CHRM3: variants seen among roughly 807,000 people sequenced by gnomAD.
CHRM3 encodes muscarinic acetylcholine receptor M3.
In CHRM3, 11 loss-of-function variants were observed where a neutral mutation model predicts 41.8. That is an observed-to-expected ratio of 0.26 (90% CI 0.17 to 0.44). The LOEUF is 0.44. CHRM3 is among the 20% of genes least tolerant of loss of function. The probability of loss-of-function intolerance (pLI) is 1.00; values close to 1 mark genes in which losing one functional copy is unlikely to be tolerated. For synonymous variants in CHRM3, 297 were observed against 301.4 expected (o/e 0.99, Z 0.15); for missense variants, 571 against 745.4 (o/e 0.77, Z 2.72).
At chr1:239,766,664 G>GAT (rs1313150036) in intron 5 of CHRM3, among the ~76,000 whole-genome samples, 72 of 137,204 alleles carry the variant, frequency 5.2e-4, no homozygotes, top group African/African-American at 1.8e-3. Context: ...GATAGATATG[G>GAT]ATATAGATAT....
intron 2 of CHRM3, among the ~76,000 whole-genome samples, chr1:239,540,547 G>A (rs193234440): frequency 7.9e-5 from 12 of 152,234 alleles, no homozygotes; most frequent in African/African-American, 2.9e-4. Flanking sequence ...ACCACTTTTA[G>A]AAATTACACA....
At chr1:239,695,313 C>T (rs1660086046) in intron 5 of CHRM3, among the ~76,000 whole-genome samples, 1 of 152,068 alleles carries the variant, frequency 6.6e-6, no homozygotes, top group South Asian at 2.1e-4. Context: ...CCCGGCCATA[C>T]AATTTTTATA....
chr1:239,445,576 A>G (rs1423755045), intron 1 of CHRM3, among the ~76,000 whole-genome samples: 2 of 152,190 alleles, frequency 1.3e-5, no homozygotes, highest in Non-Finnish European at 2.9e-5. Flanking sequence ...ATGCTCCTTC[A>G]TTAGAAAAGG....
At chr1:239,899,267 T>C (rs1679277705) in intron 6 of CHRM3, among the ~76,000 whole-genome samples, 1 of 142,676 alleles carries the variant, frequency 7.0e-6, no homozygotes, top group African/African-American at 2.7e-5. Context: ...GCTCTTGCAT[T>C]TTGAACTCAG....
At chr1:239,527,661 G>A (rs1670085804) in intron 2 of CHRM3, among the ~76,000 whole-genome samples, 1 of 152,160 alleles carries the variant, frequency 6.6e-6, no homozygotes, top group Non-Finnish European at 1.5e-5. Flanking sequence ...TTTTCTCTGT[G>A]TTCTTACGGT....
At chr1:239,679,057 A>ATAGC in intron 5 of CHRM3, among the ~76,000 whole-genome samples, 1 of 152,152 alleles carries the variant, frequency 6.6e-6, no homozygotes, top group East Asian at 1.9e-4. Flanking sequence ...AGATAGATAG[A>ATAGC]TATAGACATA....
At chr1:239,719,288 C>T (rs1393929901) in intron 5 of CHRM3, among the ~76,000 whole-genome samples, 1 of 151,928 alleles carries the variant, frequency 6.6e-6, no homozygotes, top group South Asian at 2.1e-4. Context: ...GTCCCCTGCT[C>T]TTGGTTATAC....
At chr1:239,787,363 G>C (rs1026501763) in intron 5 of CHRM3, among the ~76,000 whole-genome samples, 5 of 152,072 alleles carry the variant, frequency 3.3e-5, no homozygotes, top group African/African-American at 1.2e-4. Context: ...GGACTGAGGA[G>C]CCCCCAGGGC....
At chr1:239,444,531 G>A (rs1382760081) in intron 1 of CHRM3, among the ~76,000 whole-genome samples, 3 of 152,036 alleles carry the variant, frequency 2.0e-5, no homozygotes, top group Admixed American at 6.6e-5. Context: ...GGACCTGAGG[G>A]GTGAATAGGA....
intron 5 of CHRM3, among the ~76,000 whole-genome samples, chr1:239,714,823 T>A (rs1301645179): frequency 2.0e-5 from 3 of 152,158 alleles, no homozygotes; most frequent in Non-Finnish European, 2.9e-5. Flanking sequence ...TTTAGATGCC[T>A]GATGTCTTGA....
intron 3 of CHRM3, among the ~76,000 whole-genome samples, chr1:239,623,500 T>TA (rs1195143250): frequency 6.5e-5 from 9 of 138,556 alleles, no homozygotes; most frequent in African/African-American, 2.5e-4. Flanking sequence ...TTTTTTTAAT[T>TA]TTTTTTTTTT....
intron 6 of CHRM3, among the ~76,000 whole-genome samples, chr1:239,864,979 C>A (rs867715558): frequency 1.4e-4 from 21 of 152,274 alleles, no homozygotes; most frequent in African/African-American, 5.1e-4. Context: ...CTTATAAATG[C>A]ACACACCCTC....
intron 6 of CHRM3, among the ~76,000 whole-genome samples, chr1:239,905,701 AAATAT>A (rs1453451476): frequency 1.3e-5 from 2 of 152,188 alleles, no homozygotes; most frequent in East Asian, 3.9e-4. Context: ...CTGTCTCAAA[AAATAT>A]AATATAATAA....
chr1:239,787,537 G>A (rs1669003849), intron 5 of CHRM3, among the ~76,000 whole-genome samples: 1 of 152,122 alleles, frequency 6.6e-6, no homozygotes, highest in Admixed American at 6.5e-5. Flanking sequence ...GAGGTAAAAT[G>A]AGGATAGAAA....
chr1:239,717,096 A>G (rs1662457954), intron 5 of CHRM3, among the ~76,000 whole-genome samples: 1 of 152,048 alleles, frequency 6.6e-6, no homozygotes, highest in African/African-American at 2.4e-5. Flanking sequence ...TCCAAAAAAG[A>G]AAAAGTTCAA....
At chr1:239,582,173 G>A (rs990089073) in intron 3 of CHRM3, among the ~76,000 whole-genome samples, 10 of 152,036 alleles carry the variant, frequency 6.6e-5, no homozygotes, top group African/African-American at 9.7e-5. Context: ...ACAAATTATG[G>A]CCACCTACTA....
At chr1:239,535,235 C>G (rs1305733585) in intron 2 of CHRM3, among the ~76,000 whole-genome samples, 2 of 152,256 alleles carry the variant, frequency 1.3e-5, no homozygotes, top group Admixed American at 6.5e-5. Context: ...GTGGCCCACA[C>G]TGGCCCAGAA....
At chr1:239,892,892 T>C (rs1678669116) in intron 6 of CHRM3, among the ~76,000 whole-genome samples, 1 of 152,218 alleles carries the variant, frequency 6.6e-6, no homozygotes, top group African/African-American at 2.4e-5. Flanking sequence ...GACATATAGA[T>C]TTATTTGCAC....
At chr1:239,468,562 C>T (rs1021379919) in intron 1 of CHRM3, among the ~76,000 whole-genome samples, 9 of 152,114 alleles carry the variant, frequency 5.9e-5, no homozygotes, top group African/African-American at 1.2e-4. Context: ...CTTCTAGAAA[C>T]AGCAGTCAGG....
Sources: allele counts gnomAD v4.1 joint callset (sites outside exome capture counted in the v4.1 genomes callset), GRCh38; gene constraint gnomAD v4.1.1; transcripts MANE v1.5; gene names NCBI Gene and HGNC (gene_info 2026-07-23, HGNC 2026-07-21).